PDHA1: variants seen among roughly 807,000 people sequenced by gnomAD.
PDHA1 encodes pyruvate dehydrogenase E1 component subunit alpha, somatic form, mitochondrial.
PDHA1 carries 1 observed loss-of-function variant against 33.0 expected under a neutral mutation model. That is an observed-to-expected ratio of 0.03 (90% CI 0.01 to 0.14). The LOEUF (loss-of-function observed/expected upper bound fraction) is 0.14. PDHA1 is among the 10% of genes least tolerant of loss of function. PDHA1 has a pLI of 1.00. For synonymous variants in PDHA1, 123 were observed against 119.2 expected (o/e 1.03, Z -0.21); for missense variants, 168 against 325.1 (o/e 0.52, Z 3.72).
Position 19,346,754 on chromosome X carries a change from T to A in PDHA1, c.58-2558T>A, listed in dbSNP as rs12392955. The A allele has an allele frequency of 0.029, 11,744 of 408,048 alleles. 213 individuals are homozygous for A. Among genetic ancestry groups the A allele is most frequent in the South Asian group, 0.12 (776 of 6,240 alleles). 33.6% of individuals were successfully genotyped at this position (408,048 alleles called of 1,213,427 possible). On this transcript the variant is annotated intron_variant, in intron 1 of 10. Coordinates refer to ENST00000422285, the MANE Select transcript of PDHA1 (RefSeq NM_000284.4). Reference sequence around the variant, plus strand: ...AGGTTTATAGTTTTCATAGTTCTTATTTCATGGAAGAAGATTGAATGCATT... The same window carrying A: ...AGGTTTATAGTTTTCATAGTTCTTAATTCATGGAAGAAGATTGAATGCATT...
At chrX:19,352,834 C>A (rs1160407651) in intron 4 of PDHA1, 3 of 421,889 alleles carry the variant, frequency 7.1e-6, no homozygotes, top group Non-Finnish European at 1.3e-5. Flanking sequence ...TCCAGGGTAT[C>A]ATCTGGATGG....
chrX:19,345,745 TCCCC>T (rs745880160), intron 1 of PDHA1: 21 of 206,693 alleles, frequency 1.0e-4, no homozygotes, highest in East Asian at 1.6e-4. Flanking sequence ...GTTTGCAGGG[TCCCC>T]CCCCCCCCGC....
At position 19,359,808 on chromosome X, in the gene PDHA1, T is replaced by A; in HGVS notation, c.*155T>A. ...TGAGCAGGTAGTAATTGCATGCAGTTTGTACATTAGTGCATTAAAAGATGA... is the reference window on the plus strand; with the variant it reads ...TGAGCAGGTAGTAATTGCATGCAGTATGTACATTAGTGCATTAAAAGATGA... On this transcript the variant is annotated 3_prime_UTR_variant, in exon 11 of 11. Coordinates refer to ENST00000422285, the MANE Select transcript of PDHA1 (RefSeq NM_000284.4). 2 of 507,098 alleles carry A rather than the reference T, an allele frequency of 3.9e-6. No homozygotes were observed. Among genetic ancestry groups the A allele is most frequent in the Non-Finnish European group, 6.9e-6 (2 of 289,872 alleles). The allele number at this position is 507,098 out of a possible 1,213,427, so 41.8% of individuals were successfully genotyped here. A position where few individuals can be genotyped will look rare whatever the true frequency, so the allele number is the denominator to read the frequency against.
At chrX:19,356,188 C>T (rs993253107) in intron 8 of PDHA1, among the ~76,000 whole-genome samples, 1 of 111,777 alleles carries the variant, frequency 8.9e-6, no homozygotes, top group African/African-American at 3.3e-5. Flanking sequence ...AGCTCGTAAT[C>T]TTAGTCTTGC....
At chrX:19,356,285 T>G (rs766933636) in intron 8 of PDHA1, among the ~76,000 whole-genome samples, 2 of 111,510 alleles carry the variant, frequency 1.8e-5, no homozygotes, top group South Asian at 7.5e-4. Context: ...TTCACTTCCT[T>G]TGGCACTAGT....
chrX:19,357,811 C>T (rs1453222362), intron 9 of PDHA1, 92 bp downstream of exon 9: 1 of 687,811 alleles, frequency 1.5e-6, no homozygotes, highest in East Asian at 3.2e-5. Flanking sequence ...GCTTTTGGAG[C>T]TAGATACCAG....
At position 19,360,888 on chromosome X, in the gene PDHA1, A is replaced by G; in HGVS notation, c.*1235A>G. The G allele has an allele frequency of 1.1e-6, 1 of 886,155 alleles. No homozygotes were observed. The highest frequency in any genetic ancestry group is 1.6e-6 in the Non-Finnish European group (1 of 621,104). 73.0% of individuals were successfully genotyped at this position (886,155 alleles called of 1,213,427 possible). A position where few individuals can be genotyped will look rare whatever the true frequency, so the allele number is the denominator to read the frequency against. ...TCAGTGCTTCAAGCCAACAGAGCTT[A>G]AAACTGCAGTCCCTAATTTAAAAAC... On this transcript the variant is annotated 3_prime_UTR_variant, in exon 11 of 11. Coordinates refer to ENST00000422285, the MANE Select transcript of PDHA1 (RefSeq NM_000284.4).
chrX:19,354,134 C>T (rs1470489440), intron 5 of PDHA1, among the ~76,000 whole-genome samples: 9 of 111,261 alleles, frequency 8.1e-5, no homozygotes, highest in East Asian at 2.8e-4. Context: ...TTAGTAGAGA[C>T]GGGGTTTCAC....
intron 8 of PDHA1, among the ~76,000 whole-genome samples, chrX:19,356,427 A>G (rs1661246954): frequency 1.8e-5 from 2 of 111,981 alleles, no homozygotes; most frequent in Admixed American, 1.9e-4. Flanking sequence ...GTGGCCAGCA[A>G]TGATGGAAAT....
In PDHA1 at chrX:19,358,369, A is replaced by G. The variant is rs748100782; in HGVS notation, c.900-547A>G. On this transcript the variant is annotated intron_variant, in intron 9 of 10. Transcript: ENST00000422285. ...TTGTTGAAAATGGTAGAATCCTTTT[A>G]GTGTTACTTCAGATGATATAGGCAT... Among the ~76,000 whole-genome samples the G allele has an allele frequency of 2.7e-5, 3 of 112,054 alleles. No homozygotes were observed. The East Asian group carries it at 8.5e-4, about 32-fold the overall frequency.
rs1569193972 is a variant in PDHA1, at chrX:19,359,456, CTAAAACCTTTTACACTGTTACCTAA to C, written c.1009-31_1009-7del. ...GTTGGTACCTAAGCTGCTGTTCATT[CTAAAACCTTTTACACTGTTACCTAA>C]TTTTTAGGAAATTGATGTGGAAGTG... is the stretch of plus-strand genomic sequence containing the variant. On this transcript the variant is annotated splice_region_variant and splice_polypyrimidine_tract_variant and intron_variant, in intron 10 of 10. Coordinates refer to ENST00000422285, the MANE Select transcript of PDHA1 (RefSeq NM_000284.4). 1.4e-5 allele frequency: 16 copies of C among 1,176,810 alleles called. No individual in the cohort carries two copies. The South Asian group carries it at 2.5e-4, about 18-fold the overall frequency.
In PDHA1 at chrX:19,361,501, T is replaced by C. The variant is rs1269336518; in HGVS notation, c.*1848T>C. The C allele has an allele frequency of 8.3e-7, 1 of 1,209,379 alleles. No individual in the cohort carries two copies. ...CTTTGTTGTAAATTTACCTTTTCAA[T>C]TGTCTTTGCATCAGCTCCTTGCAGC... On this transcript the variant is annotated 3_prime_UTR_variant, in exon 11 of 11. Coordinates refer to ENST00000422285, the MANE Select transcript of PDHA1 (RefSeq NM_000284.4).
At chrX:19,359,353 C>CA in intron 10 of PDHA1, 136 bp from the exon 11 acceptor site, 1 of 554,845 alleles carries the variant, frequency 1.8e-6, no homozygotes. Context: ...ATCTGTATTC[C>CA]AAAATCTTCT....
chrX:19,345,245 G>T (rs1407458364), intron 1 of PDHA1, among the ~76,000 whole-genome samples: 1 of 110,667 alleles, frequency 9.0e-6, no homozygotes, highest in Admixed American at 9.7e-5. Flanking sequence ...AAGGTAAGAG[G>T]TATGCCCCTC....
rs1602227706 is a variant in PDHA1 at position 19,355,512 on chromosome X, CA to C, written c.759+9del. On this transcript the variant is annotated intron_variant, in intron 7 of 10. Coordinates refer to ENST00000422285, the MANE Select transcript of PDHA1 (RefSeq NM_000284.4). The stretch of plus-strand genomic sequence containing the variant: ...TTCATTCCTGGGCTGAGAGTAAGGA[CA>C]CCTGTGGTGGGGCCGGGGCCAAGGC... 2.5e-6 allele frequency: 3 copies of C among 1,202,798 alleles called. No individual in the cohort carries two copies. Among genetic ancestry groups the C allele is most frequent in the Admixed American group, 2.2e-5 (1 of 45,700 alleles).
chrX:19,354,109 C>T (rs1298503329), intron 5 of PDHA1, among the ~76,000 whole-genome samples: 3 of 111,347 alleles, frequency 2.7e-5, no homozygotes, highest in Non-Finnish European at 5.7e-5. Flanking sequence ...CCATGCCCAA[C>T]CATTTTTTGT....
At chrX:19,349,587 GAAAAT>G (rs1277384045) in intron 2 of PDHA1, among the ~76,000 whole-genome samples, 2 of 111,827 alleles carry the variant, frequency 1.8e-5, no homozygotes, top group Admixed American at 1.9e-4. Flanking sequence ...GCTAGAAAAT[GAAAAT>G]AAAAATAAAA....
At chrX:19,355,308 G>C in intron 6 of PDHA1, 41 bp from the exon 7 acceptor site, 11 of 1,198,379 alleles carry the variant, frequency 9.2e-6, no homozygotes, top group Non-Finnish European at 1.2e-5. Flanking sequence ...GAAGCCTGGA[G>C]AAAGAAGCCA....
intron 6 of PDHA1, 158 bp from the exon 7 acceptor site, chrX:19,355,191 C>T (rs1017297316): frequency 3.4e-6 from 2 of 588,139 alleles, no homozygotes; most frequent in Non-Finnish European, 5.8e-6. Flanking sequence ...CCTCCACCAC[C>T]CACCCCGCTT....
Sources: gnomAD v4.1 joint callset for allele counts (sites outside exome capture counted in the v4.1 genomes callset) on GRCh38, gnomAD v4.1.1 for gene constraint, MANE v1.5 for transcripts, NCBI Gene and HGNC (gene_info 2026-07-23, HGNC 2026-07-21) for gene names.